The following NOL4 variants were observed in gnomAD, a reference collection of about 807,000 sequenced individuals.
NOL4 encodes nucleolar protein 4, also known as cancer/testis antigen 125.
NOL4 carries 17 observed loss-of-function variants against 75.9 expected under a neutral mutation model. The ratio of observed to expected loss-of-function variants is 0.22; its 90% confidence interval spans 0.15 to 0.34. The LOEUF is 0.34. Ranked by LOEUF, NOL4 falls within the 10% of genes least tolerant of loss-of-function variation. The probability of loss-of-function intolerance (pLI) is 1.00; values close to 1 mark genes in which losing one functional copy is unlikely to be tolerated. For missense variants in NOL4, 614 were observed against 793.5 expected, an observed-to-expected ratio of 0.77 and a Z score of 2.72; for synonymous variants, 292 against 289.9, an observed-to-expected ratio of 1.01 and a Z score of -0.07.
intron 1 of NOL4, among the ~76,000 whole-genome samples, chr18:34,220,589 A>C (rs1568462823): frequency 6.6e-6 from 1 of 152,234 alleles, no homozygotes; most frequent in Non-Finnish European, 1.5e-5. Flanking sequence ...GTAGGGAAAC[A>C]CATGATAAAA....
At chr18:33,878,456 T>C (rs1367605384) in intron 10 of NOL4, among the ~76,000 whole-genome samples, 1 of 152,122 alleles carries the variant, frequency 6.6e-6, no homozygotes, top group Non-Finnish European at 1.5e-5. Context: ...ACCATGTGCT[T>C]AGAAAAGTTC....
At chr18:34,215,565 A>G (rs762099161) in intron 1 of NOL4, among the ~76,000 whole-genome samples, 4 of 152,210 alleles carry the variant, frequency 2.6e-5, no homozygotes, top group African/African-American at 4.8e-5. Context: ...TGTACAGGTA[A>G]GTAAAGTTGT....
chr18:33,879,346 A>G (rs2064119479), intron 10 of NOL4, among the ~76,000 whole-genome samples: 2 of 151,992 alleles, frequency 1.3e-5, no homozygotes, highest in African/African-American at 4.8e-5. Flanking sequence ...AGTACTTTTC[A>G]CTACCTGGAG....
At chr18:33,868,751 A>T (rs527931090) in intron 10 of NOL4, among the ~76,000 whole-genome samples, 1 of 151,880 alleles carries the variant, frequency 6.6e-6, no homozygotes, top group Admixed American at 6.6e-5. Context: ...AACTTGGGAC[A>T]ATGAAAATCT....
chr18:33,908,190 C>T (rs1323426654), intron 9 of NOL4, among the ~76,000 whole-genome samples: 5 of 152,098 alleles, frequency 3.3e-5, no homozygotes, highest in African/African-American at 1.2e-4. Context: ...TCACTACTGA[C>T]TTAAGAAAAT....
At chr18:33,944,966 T>C (rs1337723234) in intron 8 of NOL4, among the ~76,000 whole-genome samples, 4 of 151,902 alleles carry the variant, frequency 2.6e-5, no homozygotes, top group Non-Finnish European at 5.9e-5. Context: ...TAGATACTCA[T>C]TGATATCTTT....
At chr18:33,969,113 G>A (rs924897902) in intron 6 of NOL4, among the ~76,000 whole-genome samples, 10 of 152,086 alleles carry the variant, frequency 6.6e-5, no homozygotes, top group East Asian at 5.8e-4. Context: ...GTTTCCCTGC[G>A]CAGTGATTGA....
chr18:34,091,190 A>C, intron 5 of NOL4, among the ~76,000 whole-genome samples: 1 of 102,864 alleles, frequency 9.7e-6, no homozygotes, highest in African/African-American at 3.6e-5. Context: ...TCTCTACTAA[A>C]AATACAAAAA....
intron 10 of NOL4, among the ~76,000 whole-genome samples, chr18:33,861,385 T>A (rs1184916176): frequency 6.6e-6 from 1 of 152,214 alleles, no homozygotes; most frequent in Non-Finnish European, 1.5e-5. Context: ...GTCAAGGAAT[T>A]TATCCATTTC....
chr18:34,006,910 T>C (rs1461805634), intron 6 of NOL4, among the ~76,000 whole-genome samples: 1 of 151,980 alleles, frequency 6.6e-6, no homozygotes, highest in Non-Finnish European at 1.5e-5. Flanking sequence ...TGCTGTGTCT[T>C]TGATAGCAGG....
intron 1 of NOL4, among the ~76,000 whole-genome samples, chr18:34,167,565 C>T (rs79577849): frequency 0.011 from 806 of 75,476 alleles, 10 homozygotes; most frequent in East Asian, 0.02. Context: ...GATAGATAGA[C>T]AGACAGACAG....
intron 10 of NOL4, among the ~76,000 whole-genome samples, chr18:33,880,173 A>G (rs2144632678): frequency 6.6e-6 from 1 of 152,002 alleles, no homozygotes; most frequent in South Asian, 2.1e-4. Flanking sequence ...TTATCATATG[A>G]TTTTGGGTAT....
At chr18:33,960,090 C>A (rs1477779106) in intron 6 of NOL4, among the ~76,000 whole-genome samples, 2 of 152,008 alleles carry the variant, frequency 1.3e-5, no homozygotes, top group East Asian at 3.9e-4. Context: ...AAATTGGATA[C>A]ATTATTTACA....
At chr18:34,066,517 A>G (rs2077281322) in intron 5 of NOL4, among the ~76,000 whole-genome samples, 1 of 152,052 alleles carries the variant, frequency 6.6e-6, no homozygotes, top group South Asian at 2.1e-4. Context: ...ATAGAACTTG[A>G]ATGTTCAAAT....
chr18:34,085,639 T>C (rs555418300), intron 5 of NOL4, among the ~76,000 whole-genome samples: 3 of 152,164 alleles, frequency 2.0e-5, no homozygotes, highest in East Asian at 3.9e-4. Context: ...TTATGTAATA[T>C]GAGTAAAGTA....
rs1864306739 is a variant in NOL4, at chr18:34,019,341, C to T, written c.1033G>A (p.Glu345Lys). The part of the protein sequence containing the change: ...LLISDLKMER[E>K]ARENGSKSPA... ...ACCTTGCTTCCATTTTCTCTCGCCT[C>T]TCGTTCCATCTTGAGGTCAGAAATT... The change falls in exon 6 of 11, where the codon GAG becomes AAG. Residue 345 changes from glutamate to lysine, a missense_variant. By Grantham distance (56) the Glu-to-Lys change is moderately conservative (BLOSUM62 1). Transcript: ENST00000261592. 6.2e-7 allele frequency: 1 copy of T among 1,613,560 alleles called. No homozygotes were observed. The highest frequency in any genetic ancestry group is 8.5e-7 in the Non-Finnish European group (1 of 1,179,678).
intron 1 of NOL4, among the ~76,000 whole-genome samples, chr18:34,156,160 T>C (rs2030349934): frequency 6.6e-6 from 1 of 152,168 alleles, no homozygotes; most frequent in Non-Finnish European, 1.5e-5. Context: ...TATATTAAAA[T>C]GTTTACCAGA....
At chr18:33,991,846 G>A (rs1401344517) in intron 6 of NOL4, among the ~76,000 whole-genome samples, 1 of 151,922 alleles carries the variant, frequency 6.6e-6, no homozygotes, top group Non-Finnish European at 1.5e-5. Context: ...CCTTTCTATC[G>A]AACAGTGTTG....
chr18:34,210,522 T>A (rs974589859), intron 1 of NOL4, among the ~76,000 whole-genome samples: 1 of 152,234 alleles, frequency 6.6e-6, no homozygotes, highest in Non-Finnish European at 1.5e-5. Context: ...CTCTACTGTA[T>A]GTGCACAAAG....
Sources: gnomAD v4.1 joint callset for allele counts (sites outside exome capture counted in the v4.1 genomes callset) on GRCh38, gnomAD v4.1.1 for gene constraint, MANE v1.5 for transcripts, NCBI Gene and HGNC (gene_info 2026-07-23, HGNC 2026-07-21) for gene names.